The following FBXW11 variants were observed in gnomAD, a reference collection of about 807,000 sequenced individuals.
The protein encoded by FBXW11 is F-box and WD repeat domain containing 11.
FBXW11 carries 19 observed loss-of-function variants against 77.6 expected under a neutral mutation model. That is an observed-to-expected ratio of 0.24 (90% CI 0.17 to 0.36). FBXW11 has a LOEUF of 0.36. Ranked by LOEUF, FBXW11 falls within the 10% of genes least tolerant of loss-of-function variation. FBXW11 has a pLI of 1.00. For missense variants in FBXW11, 334 were observed against 704.2 expected, an observed-to-expected ratio of 0.47 and a Z score of 5.95; for synonymous variants, 235 against 249.4, an observed-to-expected ratio of 0.94 and a Z score of 0.54.
intron 1 of FBXW11, among the ~76,000 whole-genome samples, chr5:171,968,889 T>C (rs1764370660): frequency 6.6e-6 from 1 of 152,200 alleles, no homozygotes; most frequent in African/African-American, 2.4e-5. Flanking sequence ...AGATCCTGAT[T>C]GTCCTCTAAT....
In FBXW11 at chr5:171,959,893, C is replaced by T. The variant is rs563194393; in HGVS notation, c.46-2195G>A. Among the ~76,000 whole-genome samples, 512 of 151,300 alleles carry T rather than the reference C, an allele frequency of 3.4e-3. 1 individual carries two copies. The highest frequency in any genetic ancestry group is 5.8e-3 in the Non-Finnish European group (392 of 67,802). ...AAAAGAAAAGAAAAAAAACCAGCAA[C>T]TTGTCCAAGGTGCAGGGGAATAAGG... is the stretch of plus-strand genomic sequence containing the variant. On this transcript the variant is annotated intron_variant, in intron 1 of 13. Transcript: ENST00000517395.
At chr5:171,998,336 C>CTTTTTT (rs778327855) in intron 1 of FBXW11, among the ~76,000 whole-genome samples, 8 of 114,834 alleles carry the variant, frequency 7.0e-5, no homozygotes, top group African/African-American at 2.9e-4. Context: ...TTTTTCTTGT[C>CTTTTTT]TTTTTTTTTT....
At chr5:171,907,584 TG>T (rs1464358866) in intron 4 of FBXW11, among the ~76,000 whole-genome samples, 2 of 152,202 alleles carry the variant, frequency 1.3e-5, no homozygotes, top group Non-Finnish European at 2.9e-5. Flanking sequence ...TAGATTCATA[TG>T]TATGATATAC....
In FBXW11 at chr5:171,879,809, G is replaced by GA. The variant is rs1758382887; in HGVS notation, c.853-1681_853-1680insT. 3.3e-5 allele frequency among the ~76,000 whole-genome samples: 5 copies of GA among 151,882 alleles called. No homozygotes were observed. The South Asian group carries it at 1.0e-3, about 32-fold the overall frequency. ...TTTTAAAAATCAGGTTAAGCTAATT[G>GA]TTTTTTTTCTTACTGTTGAGATTCA... On this transcript the variant is annotated intron_variant, in intron 7 of 13. Transcript: ENST00000517395.
chr5:171,897,542 T>C (rs1759825218), intron 6 of FBXW11, among the ~76,000 whole-genome samples: 1 of 152,184 alleles, frequency 6.6e-6, no homozygotes, highest in African/African-American at 2.4e-5. Context: ...GATACTGTCA[T>C]GCCACAGAAT....
chr5:171,966,915 G>GA (rs1164653845), intron 1 of FBXW11, among the ~76,000 whole-genome samples: 1 of 152,136 alleles, frequency 6.6e-6, no homozygotes, highest in Non-Finnish European at 1.5e-5. Context: ...ACAAGCAGCT[G>GA]AGTTTTACAG....
At chr5:171,947,538 T>C in intron 2 of FBXW11, among the ~76,000 whole-genome samples, 1 of 150,286 alleles carries the variant, frequency 6.7e-6, no homozygotes, top group Non-Finnish European at 1.5e-5. Flanking sequence ...CCATCTCAAT[T>C]ATTAAAAAAA....
chr5:172,006,343 TG>T, intron 1 of FBXW11, 114 bp downstream of exon 1: 1 of 917,320 alleles, frequency 1.1e-6, no homozygotes, highest in Non-Finnish European at 1.5e-6. Context: ...GGCCCGGGTC[TG>T]GGTCGAGGCG....
At chr5:171,891,627 G>C (rs774792552) in intron 6 of FBXW11, 23 bp from the exon 7 acceptor site, 1 of 1,601,736 alleles carries the variant, frequency 6.2e-7, no homozygotes, top group South Asian at 1.1e-5. Context: ...GGAGGCAAGA[G>C]ATGAGTTTTT....
At chr5:171,868,379 C>T (rs768622391) in intron 13 of FBXW11, among the ~76,000 whole-genome samples, 6 of 152,096 alleles carry the variant, frequency 3.9e-5, no homozygotes, top group Non-Finnish European at 8.8e-5. Flanking sequence ...AAAACAGGAA[C>T]CATGTTCATC....
intron 1 of FBXW11, among the ~76,000 whole-genome samples, chr5:171,986,464 C>G (rs749010953): frequency 6.7e-6 from 1 of 149,014 alleles, no homozygotes; most frequent in East Asian, 2.0e-4. Flanking sequence ...TGGTGGCTCA[C>G]CCCTGTAATC....
chr5:171,894,602 A>C (rs566010501), intron 6 of FBXW11, among the ~76,000 whole-genome samples: 4 of 151,904 alleles, frequency 2.6e-5, no homozygotes, highest in African/African-American at 9.7e-5. Flanking sequence ...AGAAAGCAGC[A>C]CTTCCTGTCA....
At chr5:171,948,504 G>C in intron 2 of FBXW11, among the ~76,000 whole-genome samples, 1 of 152,008 alleles carries the variant, frequency 6.6e-6, no homozygotes, top group Non-Finnish European at 1.5e-5. Flanking sequence ...TTGGGAGGTA[G>C]AGGCAGGAAG....
chr5:171,957,377 C>G (rs1561721051), intron 2 of FBXW11, among the ~76,000 whole-genome samples: 1 of 152,012 alleles, frequency 6.6e-6, no homozygotes, highest in Non-Finnish European at 1.5e-5. Flanking sequence ...AAAGCAGGAG[C>G]AGAAAAGGGG....
At chr5:171,899,785 G>C (rs1759992943) in intron 5 of FBXW11, 129 bp downstream of exon 5, 1 of 782,572 alleles carries the variant, frequency 1.3e-6, no homozygotes, top group Non-Finnish European at 2.0e-6. Flanking sequence ...TCCAACTTTT[G>C]ACCACTCATT....
At chr5:172,000,954 G>A (rs1424802324) in intron 1 of FBXW11, among the ~76,000 whole-genome samples, 1 of 152,146 alleles carries the variant, frequency 6.6e-6, no homozygotes, top group Non-Finnish European at 1.5e-5. Context: ...ACCAACTGAT[G>A]CAAAAAGTAT....
chr5:171,946,396 A>G (rs1475139538), intron 2 of FBXW11, among the ~76,000 whole-genome samples: 1 of 152,182 alleles, frequency 6.6e-6, no homozygotes, highest in Non-Finnish European at 1.5e-5. Flanking sequence ...CCCCTCTGGT[A>G]AAAATTCTCT....
intron 1 of FBXW11, among the ~76,000 whole-genome samples, chr5:172,004,683 A>G (rs1581108422): frequency 1.3e-5 from 2 of 152,328 alleles, no homozygotes; most frequent in Non-Finnish European, 2.9e-5. Context: ...CTTCTGTTGT[A>G]AGTACATGCA....
At position 172,003,720 on chromosome 5, in the gene FBXW11, T is replaced by C. The variant is rs143127550; in HGVS notation, c.45+2738A>G. On this transcript the variant is annotated intron_variant, in intron 1 of 13. Transcript: ENST00000517395. ...GCGGTAGGAGTCAAAGTGGGGGTTATATTTTAGAAATTTAACTATTCTGCT... is the reference window on the plus strand; with the variant it reads ...GCGGTAGGAGTCAAAGTGGGGGTTACATTTTAGAAATTTAACTATTCTGCT... 7.3e-4 allele frequency among the ~76,000 whole-genome samples: 111 copies of C among 152,344 alleles called. 1 individual carries two copies. The highest frequency in any genetic ancestry group is 2.4e-3 in the African/African-American group (99 of 41,562).
Sources: allele counts gnomAD v4.1 joint callset (sites outside exome capture counted in the v4.1 genomes callset), GRCh38; gene constraint gnomAD v4.1.1; transcripts MANE v1.5; gene names NCBI Gene and HGNC (gene_info 2026-07-23, HGNC 2026-07-21).